Variants in MICAL2 observed in about 807,000 individuals in gnomAD.
The protein encoded by MICAL2 is microtubule associated monooxygenase, calponin and LIM domain containing 2.
In MICAL2, 77 loss-of-function variants were observed where a neutral mutation model predicts 127.3. The ratio of observed to expected loss-of-function variants is 0.60; its 90% CI spans 0.50 to 0.73. The LOEUF is 0.73. Among genes scored for constraint, MICAL2 ranks in the 30% least tolerant of loss-of-function variants. The pLI, the probability that MICAL2 is intolerant of heterozygous loss-of-function variation, is 0.00. For missense variants in MICAL2, 1,351 were observed against 1,434.4 expected (o/e 0.94, Z 0.94); for synonymous variants, 570 against 551.1 (o/e 1.03, Z -0.48).
chr11:12,345,017 C>G (rs1021009463), intron 32 of MICAL2, among the ~76,000 whole-genome samples: 1 of 151,020 alleles, frequency 6.6e-6, no homozygotes, highest in African/African-American at 2.4e-5. Context: ...GAGGCTGAGG[C>G]AGGAGAATGG....
At chr11:12,242,638 T>G in intron 19 of MICAL2, 33 bp from the exon 20 acceptor site, 1 of 1,585,824 alleles carries the variant, frequency 6.3e-7, no homozygotes, top group African/African-American at 1.3e-5. Flanking sequence ...TCACTATCTC[T>G]CTTTTCTTTC....
chr11:12,269,733 A>G (rs1863653136), intron 24 of MICAL2, among the ~76,000 whole-genome samples: 1 of 152,160 alleles, frequency 6.6e-6, no homozygotes, highest in Admixed American at 6.5e-5. Context: ...TTACATTTTA[A>G]TTTATTGGTC....
chr11:12,171,117 C>A (rs1373216283), intron 3 of MICAL2, among the ~76,000 whole-genome samples: 1 of 152,226 alleles, frequency 6.6e-6, no homozygotes, highest in Non-Finnish European at 1.5e-5. Flanking sequence ...ATGGTGGCCA[C>A]AGCCCTGTCT....
At chr11:12,347,909 T>G (rs1480519410) in intron 32 of MICAL2, among the ~76,000 whole-genome samples, 3 of 152,014 alleles carry the variant, frequency 2.0e-5, no homozygotes, top group African/African-American at 7.2e-5. Flanking sequence ...ATCCCAACAC[T>G]TCGGGAGGCC....
intron 32 of MICAL2, among the ~76,000 whole-genome samples, chr11:12,332,081 A>C (rs952305177): frequency 3.3e-4 from 50 of 152,036 alleles, no homozygotes; most frequent in Non-Finnish European, 5.1e-4. Context: ...CACCGCCCCC[A>C]AAAAACAGTA....
At chr11:12,243,931 T>A in intron 20 of MICAL2, 56 bp from the exon 21 acceptor site, 1 of 1,598,706 alleles carries the variant, frequency 6.3e-7, no homozygotes, top group Non-Finnish European at 8.6e-7. Flanking sequence ...GAGGCATGTA[T>A]CACCATGTGT....
chr11:12,326,124 G>A (rs941357460), intron 31 of MICAL2, among the ~76,000 whole-genome samples: 6 of 152,188 alleles, frequency 3.9e-5, no homozygotes, highest in African/African-American at 1.4e-4. Context: ...AGGGGCCTCG[G>A]CTGCTGTACT....
chr11:12,202,664 TA>T (rs35578010), intron 3 of MICAL2, among the ~76,000 whole-genome samples: 51,725 of 152,048 alleles, frequency 0.34, 9,258 homozygotes, highest in Non-Finnish European at 0.39. Context: ...ATTTATTTTA[TA>T]AGTTAGGTAT....
chr11:12,113,151 A>G (rs1039498926), intron 1 of MICAL2, among the ~76,000 whole-genome samples: 1 of 152,218 alleles, frequency 6.6e-6, no homozygotes, highest in African/African-American at 2.4e-5. Flanking sequence ...ACTGTTCATC[A>G]TGCTGAGATG....
At chr11:12,172,934 T>C (rs900765488) in intron 3 of MICAL2, among the ~76,000 whole-genome samples, 1 of 152,202 alleles carries the variant, frequency 6.6e-6, no homozygotes, top group Non-Finnish European at 1.5e-5. Context: ...CCATGTAACA[T>C]GTACTAACAT....
intron 2 of MICAL2, among the ~76,000 whole-genome samples, chr11:12,143,676 C>A (rs1454931083): frequency 6.6e-6 from 1 of 152,212 alleles, no homozygotes; most frequent in Non-Finnish European, 1.5e-5. Context: ...TGATAGCAAA[C>A]ACCCTTGTGA....
chr11:12,294,797 G>GCAGCTCCTCCTCCTCCTC, downstream of MICAL2: 1 of 1,497,986 alleles, frequency 6.7e-7, no homozygotes, highest in South Asian at 1.2e-5. Flanking sequence ...GCGCCAGGCA[G>GCAGCTCCTCCTCCTCCTC]CTCCTCCTCC....
rs191959433 is a variant in MICAL2 at position 12,356,591 on chromosome 11, G to A, written c.5690-1704G>A. 1.2e-3 allele frequency among the ~76,000 whole-genome samples: 176 copies of A among 152,246 alleles called. No homozygotes were observed. In the Middle Eastern group the frequency reaches 0.017, roughly 15 times the overall value. On this transcript the variant is annotated intron_variant, in intron 34 of 34. Transcript: ENST00000646065. ...ACTGAGGTGTGTGCTGGTCTCATCC[G>A]TAGCCTGCCCACTCTCTCGGGGTGC...
chr11:12,355,259 C>A (rs1304020863), intron 34 of MICAL2, among the ~76,000 whole-genome samples: 1 of 152,122 alleles, frequency 6.6e-6, no homozygotes, highest in Non-Finnish European at 1.5e-5. Flanking sequence ...GAGATGAAGG[C>A]CACATCAGAA....
intron 32 of MICAL2, among the ~76,000 whole-genome samples, chr11:12,336,483 A>C (rs367791528): frequency 1.6e-4 from 25 of 152,244 alleles, no homozygotes; most frequent in East Asian, 1.3e-3. Flanking sequence ...GAACTTCCAA[A>C]ACTATGTTGA....
At chr11:12,334,127 A>G (rs929869158) in intron 32 of MICAL2, among the ~76,000 whole-genome samples, 1 of 152,202 alleles carries the variant, frequency 6.6e-6, no homozygotes, top group Non-Finnish European at 1.5e-5. Flanking sequence ...AAGGAAATGA[A>G]AAGACACTCA....
intron 33 of MICAL2, among the ~76,000 whole-genome samples, chr11:12,351,832 C>T (rs542276739): frequency 6.6e-6 from 1 of 151,948 alleles, no homozygotes; most frequent in African/African-American, 2.4e-5. Flanking sequence ...GCTCTTTCAC[C>T]CTGGCTGGAG....
At chr11:12,245,711 G>T (rs1015158546) in intron 21 of MICAL2, among the ~76,000 whole-genome samples, 1 of 152,256 alleles carries the variant, frequency 6.6e-6, no homozygotes, top group African/African-American at 2.4e-5. Flanking sequence ...CTCCTCCTCA[G>T]TAAGAGTGGT....
intron 18 of MICAL2, 141 bp downstream of exon 18, chr11:12,241,303 A>G: frequency 9.5e-7 from 1 of 1,049,218 alleles, no homozygotes; most frequent in Non-Finnish European, 1.4e-6. Context: ...CACCACACTT[A>G]TAGGTAAGAA....
Sources: allele counts gnomAD v4.1 joint callset (sites outside exome capture counted in the v4.1 genomes callset), GRCh38; gene constraint gnomAD v4.1.1; transcripts MANE v1.5; gene names NCBI Gene and HGNC (gene_info 2026-07-23, HGNC 2026-07-21).